Variants in LRMDA observed in about 807,000 individuals in gnomAD.
LRMDA encodes leucine-rich melanocyte differentiation-associated protein.
A neutral mutation model predicts 29.8 loss-of-function variants in LRMDA; 18 were observed. The observed-to-expected ratio is 0.60, with a 90% CI of 0.42 to 0.90. The LOEUF (loss-of-function observed/expected upper bound fraction) is 0.90, where lower values mean the gene tolerates loss of function less well. Among genes scored for constraint, LRMDA ranks in the 40% least tolerant of loss-of-function variants. LRMDA has a pLI of 0.00. For synonymous variants in LRMDA, 125 were observed against 109.4 expected (o/e 1.14, Z -0.89); for missense variants, 273 against 273.9 (o/e 1.00, Z 0.02).
chr10:76,278,214 T>C (rs1840159901), intron 5 of LRMDA, among the ~76,000 whole-genome samples: 1 of 152,196 alleles, frequency 6.6e-6, no homozygotes, highest in Non-Finnish European at 1.5e-5. Flanking sequence ...TTCATTGAAT[T>C]CCAGTTTCTA....
chr10:76,009,228 C>T (rs1041449304), intron 2 of LRMDA, among the ~76,000 whole-genome samples: 4 of 152,154 alleles, frequency 2.6e-5, no homozygotes, highest in Non-Finnish European at 4.4e-5. Flanking sequence ...CCACTAGCCC[C>T]CTCCCCACCT....
chr10:75,714,825 TCCTCCTTCTTTCCCTC>T (rs1284856310), intron 2 of LRMDA, among the ~76,000 whole-genome samples: 1 of 147,246 alleles, frequency 6.8e-6, no homozygotes, highest in Non-Finnish European at 1.5e-5. Flanking sequence ...TTCTTTCCCT[TCCTCCTTCTTTCCCTC>T]CCTCCCTCCC....
At chr10:75,608,818 A>G (rs1840992688) in intron 2 of LRMDA, among the ~76,000 whole-genome samples, 1 of 152,126 alleles carries the variant, frequency 6.6e-6, no homozygotes, top group African/African-American at 2.4e-5. Context: ...ACCAGGGTCT[A>G]GCTCCTCTCT....
intron 2 of LRMDA, among the ~76,000 whole-genome samples, chr10:75,652,094 C>G (rs1464966417): frequency 6.6e-6 from 1 of 152,188 alleles, no homozygotes; most frequent in Non-Finnish European, 1.5e-5. Context: ...TTACCACCAT[C>G]TTGTTAGTCA....
chr10:75,525,032 A>G (rs547612389), intron 2 of LRMDA, among the ~76,000 whole-genome samples: 3 of 152,316 alleles, frequency 2.0e-5, no homozygotes, highest in East Asian at 3.9e-4. Context: ...CCAAAGCCCT[A>G]GAGATAATTT....
At chr10:75,487,794 C>T (rs1844933219) in intron 2 of LRMDA, among the ~76,000 whole-genome samples, 1 of 152,224 alleles carries the variant, frequency 6.6e-6, no homozygotes, top group Admixed American at 6.5e-5. Context: ...GTCGGCCAAG[C>T]TCTTGGAAGA....
intron 5 of LRMDA, among the ~76,000 whole-genome samples, chr10:76,144,179 T>C (rs1850263635): frequency 6.6e-6 from 1 of 152,210 alleles, no homozygotes; most frequent in African/African-American, 2.4e-5. Context: ...ATGCGGGCTC[T>C]TTTTTGGTTC....
chr10:76,083,231 C>T (rs748125993), intron 5 of LRMDA, among the ~76,000 whole-genome samples: 1 of 152,224 alleles, frequency 6.6e-6, no homozygotes, highest in Admixed American at 6.5e-5. Context: ...CACTTCCTCT[C>T]TCTGGCTCCT....
chr10:75,509,327 GA>G (rs1389655506), intron 2 of LRMDA, among the ~76,000 whole-genome samples: 1 of 152,024 alleles, frequency 6.6e-6, no homozygotes, highest in Non-Finnish European at 1.5e-5. Context: ...GGAGGAAAAA[GA>G]AAAAAATAAG....
intron 5 of LRMDA, among the ~76,000 whole-genome samples, chr10:76,214,395 TCC>T (rs1348673437): frequency 0.015 from 2,227 of 144,156 alleles, 53 homozygotes; most frequent in African/African-American, 0.051. Context: ...CCGGACTGCG[TCC>T]GCAGTGGCGC....
intron 6 of LRMDA, among the ~76,000 whole-genome samples, chr10:76,435,995 C>T (rs929981661): frequency 6.6e-6 from 1 of 152,120 alleles, no homozygotes; most frequent in East Asian, 1.9e-4. Flanking sequence ...TTGGTTATTT[C>T]CCCAGTTTTT....
At chr10:76,321,532 CT>C (rs79862487) in intron 5 of LRMDA, among the ~76,000 whole-genome samples, 5,763 of 145,426 alleles carry the variant, frequency 0.04, 338 homozygotes, top group African/African-American at 0.12. Flanking sequence ...TAAAGACATT[CT>C]TTTTTTTTTT....
chr10:76,408,703 T>A (rs556566886), intron 6 of LRMDA, among the ~76,000 whole-genome samples: 1 of 152,334 alleles, frequency 6.6e-6, no homozygotes, highest in South Asian at 2.1e-4. Flanking sequence ...TTTGTTTTTC[T>A]GCTGGTTTCT....
In LRMDA at chr10:75,481,310, G is replaced by T. The variant is rs147500777; in HGVS notation, c.131+42816G>T. Among the ~76,000 whole-genome samples, 5 of 152,252 alleles carry T rather than the reference G, an allele frequency of 3.3e-5. No individual in the cohort carries two copies. The East Asian group carries it at 9.7e-4, about 29-fold the overall frequency. On this transcript the variant is annotated intron_variant, in intron 2 of 6. Transcript: ENST00000611255. ...GCAACTGGAGAGTAGAGGGAAACCA[G>T]CAGATTTGTGCTTTGCCAGAGGCTG...
intron 6 of LRMDA, among the ~76,000 whole-genome samples, chr10:76,374,998 C>T (rs1012710059): frequency 6.6e-6 from 1 of 152,176 alleles, no homozygotes; most frequent in Admixed American, 6.5e-5. Context: ...GCTCATCTAT[C>T]TGCATGTGTG....
chr10:75,970,283 A>T lies in LRMDA; in HGVS notation c.132-65725A>T, dbSNP rs150202740. Among the ~76,000 whole-genome samples the T allele has an allele frequency of 4.4e-3, 671 of 152,294 alleles. 8 individuals carry two copies. The highest frequency in any genetic ancestry group is 0.015 in the African/African-American group (627 of 41,564). On this transcript the variant is annotated intron_variant, in intron 2 of 6. Coordinates refer to ENST00000611255, the MANE Select transcript of LRMDA (RefSeq NM_001305581.2). ...CCATCTCTTCTCCTGTGTGGGCCTTAGTCTCCTCACCCATAAAAGAAAGAG... is the reference window on the plus strand; with the variant it reads ...CCATCTCTTCTCCTGTGTGGGCCTTTGTCTCCTCACCCATAAAAGAAAGAG...
At chr10:75,496,785 T>G (rs918218305) in intron 2 of LRMDA, among the ~76,000 whole-genome samples, 2 of 152,168 alleles carry the variant, frequency 1.3e-5, no homozygotes, top group Non-Finnish European at 2.9e-5. Flanking sequence ...TCTGAGAATC[T>G]TAACAGAGCT....
At position 75,845,145 on chromosome 10, in the gene LRMDA, A is replaced by C. The variant is rs12260581; in HGVS notation, c.132-190863A>C. Among the ~76,000 whole-genome samples the C allele has an allele frequency of 1.8e-3, 271 of 152,256 alleles. 2 individuals are homozygous for C. Among genetic ancestry groups the C allele is most frequent in the Middle Eastern group, 6.8e-3 (2 of 294 alleles). On this transcript the variant is annotated intron_variant, in intron 2 of 6. Coordinates refer to ENST00000611255, the MANE Select transcript of LRMDA (RefSeq NM_001305581.2). ...TTTTTTACAAAAGTTTCTTGGGGGA[A>C]AGCTGCTTTTTATACATTACATTTT...
intron 6 of LRMDA, among the ~76,000 whole-genome samples, chr10:76,553,399 C>T (rs1215319505): frequency 3.3e-5 from 5 of 152,220 alleles, no homozygotes; most frequent in African/African-American, 4.8e-5. Context: ...CACAAACCAG[C>T]GGGTTCCCAA....
Sources: allele counts gnomAD v4.1 joint callset (sites outside exome capture counted in the v4.1 genomes callset), GRCh38; gene constraint gnomAD v4.1.1; transcripts MANE v1.5; gene names NCBI Gene and HGNC (gene_info 2026-07-23, HGNC 2026-07-21).